ITPR2: variants seen among roughly 807,000 people sequenced by gnomAD.
The protein encoded by ITPR2 is inositol 1,4,5-trisphosphate-gated calcium channel ITPR2.
Under a neutral mutation model 317.1 loss-of-function variants are expected in ITPR2, and 207 were observed. The ratio of observed to expected loss-of-function variants is 0.65; its 90% confidence interval spans 0.58 to 0.73. The LOEUF (loss-of-function observed/expected upper bound fraction) is 0.73. ITPR2 is among the 30% of genes least tolerant of loss of function. The probability of loss-of-function intolerance (pLI) is 0.00; values close to 1 mark genes in which losing one functional copy is unlikely to be tolerated. For missense variants in ITPR2, 2,613 were observed against 3,284.0 expected (o/e 0.80, Z 4.99); for synonymous variants, 1,156 against 1,149.1 (o/e 1.01, Z -0.12).
intron 45 of ITPR2, among the ~76,000 whole-genome samples, chr12:26,450,784 A>C (rs1941719411): frequency 6.6e-6 from 1 of 151,816 alleles, no homozygotes; most frequent in Non-Finnish European, 1.5e-5. Context: ...GGCTGTACGC[A>C]CTCTTTTCTC....
chr12:26,408,927 T>C (rs936378548), intron 52 of ITPR2, among the ~76,000 whole-genome samples: 4 of 152,166 alleles, frequency 2.6e-5, no homozygotes, highest in African/African-American at 4.8e-5. Context: ...GGGGGAAATG[T>C]TGAATTAAAA....
chr12:26,469,627 C>T (rs756866765), intron 45 of ITPR2, among the ~76,000 whole-genome samples: 1 of 152,142 alleles, frequency 6.6e-6, no homozygotes, highest in Non-Finnish European at 1.5e-5. Flanking sequence ...CTCTTCATTG[C>T]TCCCAGCCAG....
chr12:26,776,593 T>C (rs1455559903), intron 2 of ITPR2, among the ~76,000 whole-genome samples: 3 of 152,218 alleles, frequency 2.0e-5, no homozygotes, highest in Non-Finnish European at 4.4e-5. Flanking sequence ...TGGGGATGTA[T>C]GGGAGGACCC....
chr12:26,822,295 T>C (rs1950948464), intron 1 of ITPR2, among the ~76,000 whole-genome samples: 1 of 152,184 alleles, frequency 6.6e-6, no homozygotes, highest in African/African-American at 2.4e-5. Context: ...ATTCTAAGAA[T>C]TCAGATTATG....
intron 42 of ITPR2, among the ~76,000 whole-genome samples, chr12:26,482,668 A>G: frequency 6.6e-6 from 1 of 152,232 alleles, no homozygotes; most frequent in Admixed American, 6.5e-5. Context: ...TATGTACAGT[A>G]CAGAAAGGGA....
At chr12:26,351,428 C>G (rs191098255) in intron 55 of ITPR2, among the ~76,000 whole-genome samples, 1 of 152,220 alleles carries the variant, frequency 6.6e-6, no homozygotes, top group Non-Finnish European at 1.5e-5. Context: ...GTTTTTCCTA[C>G]AGAAATGTCA....
intron 45 of ITPR2, 88 bp downstream of exon 45, chr12:26,475,208 G>C: frequency 2.1e-6 from 3 of 1,455,590 alleles, no homozygotes; most frequent in Non-Finnish European, 1.9e-6. Context: ...TAAATGAAGG[G>C]ACCAGAACTT....
chr12:26,723,871 T>C (rs1020871046), intron 4 of ITPR2, among the ~76,000 whole-genome samples: 1 of 152,158 alleles, frequency 6.6e-6, no homozygotes, highest in South Asian at 2.1e-4. Context: ...TCTAGACCTC[T>C]GATTTGGCTC....
At chr12:26,417,955 T>TA (rs1271397881) in intron 50 of ITPR2, among the ~76,000 whole-genome samples, 1 of 152,202 alleles carries the variant, frequency 6.6e-6, no homozygotes, top group East Asian at 1.9e-4. Flanking sequence ...ACTGACTGGT[T>TA]AAAAAATGAA....
chr12:26,631,005 T>C (rs1456402163), intron 22 of ITPR2, among the ~76,000 whole-genome samples: 1 of 152,210 alleles, frequency 6.6e-6, no homozygotes, highest in Non-Finnish European at 1.5e-5. Flanking sequence ...ATAAATCTAA[T>C]TACTTTAAAT....
At chr12:26,796,712 T>C (rs1950451497) in intron 1 of ITPR2, among the ~76,000 whole-genome samples, 2 of 152,132 alleles carry the variant, frequency 1.3e-5, no homozygotes, top group African/African-American at 4.8e-5. Flanking sequence ...AACAAAATTT[T>C]CATTAACAGT....
At chr12:26,420,915 G>A (rs1592007662) in intron 49 of ITPR2, among the ~76,000 whole-genome samples, 1 of 152,058 alleles carries the variant, frequency 6.6e-6, no homozygotes, top group East Asian at 1.9e-4. Flanking sequence ...ATTTAAATGT[G>A]TACTATTTAC....
At chr12:26,666,120 ATAGG>A (rs1947622022) in intron 13 of ITPR2, 69 bp from the exon 14 acceptor site, 4 of 1,026,836 alleles carry the variant, frequency 3.9e-6, no homozygotes, top group Non-Finnish European at 5.9e-6. Context: ...TAGATAGATG[ATAGG>A]TAGGTAGGTA....
At chr12:26,698,136 T>C (rs1465081348) in intron 9 of ITPR2, among the ~76,000 whole-genome samples, 2 of 152,152 alleles carry the variant, frequency 1.3e-5, no homozygotes, top group South Asian at 2.1e-4. Context: ...TCAAAGATAA[T>C]AGAAGATAAA....
intron 46 of ITPR2, among the ~76,000 whole-genome samples, chr12:26,442,859 A>T (rs1378355689): frequency 6.6e-6 from 1 of 152,134 alleles, no homozygotes; most frequent in African/African-American, 2.4e-5. Flanking sequence ...ATAAATGTAA[A>T]TTATAGGAGT....
chr12:26,717,720 A>G (rs925071580), intron 5 of ITPR2, among the ~76,000 whole-genome samples: 1 of 152,228 alleles, frequency 6.6e-6, no homozygotes, highest in Non-Finnish European at 1.5e-5. Context: ...TGCATACCTG[A>G]GGAAGAAGAA....
chr12:26,652,790 T>C (rs1565667181), intron 21 of ITPR2, among the ~76,000 whole-genome samples: 1 of 152,234 alleles, frequency 6.6e-6, no homozygotes, highest in Admixed American at 6.5e-5. Context: ...ATAACTGCAT[T>C]GCAGATGAGC....
intron 2 of ITPR2, among the ~76,000 whole-genome samples, chr12:26,742,671 G>A (rs112639393): frequency 0.033 from 4,961 of 151,976 alleles, 286 homozygotes; most frequent in African/African-American, 0.11. Context: ...AAAATTAGCC[G>A]GGAGTGGTGG....
At chr12:26,463,698 CAAA>C (rs11362863) in intron 45 of ITPR2, among the ~76,000 whole-genome samples, 12 of 138,702 alleles carry the variant, frequency 8.7e-5, no homozygotes, top group African/African-American at 3.4e-4. Flanking sequence ...AACAAACAAA[CAAA>C]AAAAAAACAA....
Sources: gnomAD v4.1 joint callset for allele counts (sites outside exome capture counted in the v4.1 genomes callset) on GRCh38, gnomAD v4.1.1 for gene constraint, MANE v1.5 for transcripts, NCBI Gene and HGNC (gene_info 2026-07-23, HGNC 2026-07-21) for gene names.